EXT2: variants seen among roughly 807,000 people sequenced by gnomAD.
EXT2 encodes the protein exostosin glycosyltransferase 2.
Under a neutral mutation model 81.6 loss-of-function variants are expected in EXT2, and 53 were observed. The ratio of observed to expected loss-of-function variants is 0.65; its 90% CI spans 0.52 to 0.82. EXT2 has a LOEUF of 0.82. Among genes scored for constraint, EXT2 ranks in the 40% least tolerant of loss-of-function variants. EXT2 has a pLI of 0.00. For missense variants in EXT2, 774 were observed against 910.2 expected, an observed-to-expected ratio of 0.85 and a Z score of 1.93; for synonymous variants, 320 against 340.0, an observed-to-expected ratio of 0.94 and a Z score of 0.65.
intron 1 of EXT2, 118 bp downstream of exon 1, chr11:44,095,970 G>T (rs1360677391): frequency 1.3e-5 from 6 of 458,646 alleles, no homozygotes; most frequent in African/African-American, 4.0e-5. Context: ...CGGAGGCTCC[G>T]TGGAGGCCCG....
chr11:44,206,531 C>A (rs1044225047), intron 9 of EXT2, among the ~76,000 whole-genome samples: 2 of 151,490 alleles, frequency 1.3e-5, no homozygotes, highest in African/African-American at 4.8e-5. Flanking sequence ...AGTAGTGTTA[C>A]AAGGATTTAG....
chr11:44,158,605 A>C (rs1270444289), intron 7 of EXT2, among the ~76,000 whole-genome samples: 2 of 150,772 alleles, frequency 1.3e-5, no homozygotes, highest in Non-Finnish European at 3.0e-5. Flanking sequence ...AAAAATTAAT[A>C]AATTGATTTT....
In EXT2 at chr11:44,106,634, A is replaced by ATT. The variant is rs961901306; in HGVS notation, c.-30-1039_-30-1038dup. Reference sequence around the variant, plus strand: ...TGAATGAATAAGTGAACGAAAACAGATTTTTTTTTTTATGACACAGAGTCT... The same window carrying ATT: ...TGAATGAATAAGTGAACGAAAACAGATTTTTTTTTTTTTATGACACAGAGTCT... On this transcript the variant is annotated intron_variant, in intron 1 of 13. Transcript: ENST00000533608. Among the ~76,000 whole-genome samples the ATT allele has an allele frequency of 2.0e-5, 3 of 148,388 alleles. No individual in the cohort carries two copies. The Admixed American group carries it at 2.0e-4, about 10-fold the overall frequency.
At chr11:44,171,509 G>A (rs146825999) in intron 7 of EXT2, 102 bp from the exon 8 acceptor site, 26 of 1,578,556 alleles carry the variant, frequency 1.6e-5, no homozygotes, top group Non-Finnish European at 2.1e-5. Context: ...ACAACTTTGG[G>A]AATAAAGGAA....
intron 2 of EXT2, among the ~76,000 whole-genome samples, chr11:44,108,879 A>G (rs1312418658): frequency 6.6e-6 from 1 of 152,180 alleles, no homozygotes; most frequent in Non-Finnish European, 1.5e-5. Context: ...GTTCTACCAT[A>G]TATTTAACCA....
At chr11:44,242,355 C>CTT (rs1223197518) in intron 13 of EXT2, among the ~76,000 whole-genome samples, 1 of 152,190 alleles carries the variant, frequency 6.6e-6, no homozygotes, top group African/African-American at 2.4e-5. Context: ...GTCCACCTCA[C>CTT]TTTGTTAAAG....
intron 8 of EXT2, among the ~76,000 whole-genome samples, chr11:44,185,555 C>T (rs1321093467): frequency 2.0e-5 from 3 of 152,006 alleles, no homozygotes; most frequent in African/African-American, 4.8e-5. Context: ...AGATGGAGCA[C>T]AGCAGACAAA....
chr11:44,103,658 T>A, intron 1 of EXT2: 1 of 449,972 alleles, frequency 2.2e-6, no homozygotes, highest in South Asian at 1.7e-5. Flanking sequence ...TGGAATTTTC[T>A]TTATAGGAAG....
chr11:44,130,208 G>T, intron 7 of EXT2, 70 bp downstream of exon 7: 1 of 1,215,656 alleles, frequency 8.2e-7, no homozygotes, highest in Non-Finnish European at 1.2e-6. Flanking sequence ...GATACAGAGG[G>T]ACAGGAGCTG....
chr11:44,211,270 T>C (rs1955644913), intron 10 of EXT2, among the ~76,000 whole-genome samples: 1 of 152,212 alleles, frequency 6.6e-6, no homozygotes, highest in Admixed American at 6.5e-5. Context: ...GCAACCCCAC[T>C]TGTGGGTATA....
intron 7 of EXT2, among the ~76,000 whole-genome samples, chr11:44,161,683 A>G (rs1440542634): frequency 1.3e-5 from 2 of 152,122 alleles, no homozygotes; most frequent in Non-Finnish European, 2.9e-5. Flanking sequence ...AGCATAGACT[A>G]TGGGATGGGA....
At position 44,124,879 on chromosome 11, in the gene EXT2, G is replaced by C; in HGVS notation, c.834G>C (p.Glu278Asp). The C allele has an allele frequency of 6.2e-7, 1 of 1,614,164 alleles. No individual in the cohort carries two copies. The highest frequency in any genetic ancestry group is 1.1e-5 in the South Asian group (1 of 91,076). ...AAGCCCTCCAGGTCAAACATGGAGA[G>C]TCAGTGTTAGTACTCGATAAATGCA... ...DLEALQVKHG[E>D]SVLVLDKCTN... is the part of the protein sequence containing the mutation. The change falls in exon 5 of 14, where the codon GAG becomes GAC. Residue 278 changes from glutamate (E) to aspartate (D), a missense_variant. Physicochemically the swap from Glu to Asp is conservative, Grantham distance 45 (BLOSUM62 2). Transcript: ENST00000533608.
At chr11:44,152,586 G>A (rs1315307918) in intron 7 of EXT2, among the ~76,000 whole-genome samples, 2 of 152,100 alleles carry the variant, frequency 1.3e-5, no homozygotes, top group Admixed American at 1.3e-4. Flanking sequence ...CCTGACCTCA[G>A]GTGATCTGCC....
chr11:44,214,597 G>A (rs1955694678), intron 10 of EXT2, among the ~76,000 whole-genome samples: 1 of 152,032 alleles, frequency 6.6e-6, no homozygotes, highest in South Asian at 2.1e-4. Flanking sequence ...AAATGTATTG[G>A]TATAAAGTCA....
chr11:44,234,028 C>G (rs961705923), intron 11 of EXT2, 87 bp from the exon 12 acceptor site: 9 of 1,581,786 alleles, frequency 5.7e-6, no homozygotes, highest in Middle Eastern at 4.1e-4. Flanking sequence ...AAAGCTTGTC[C>G]CCATGCCTTG....
rs1565209541 is a variant in EXT2 at position 44,141,034 on chromosome 11, T to G, written c.1173+10896T>G. Among the ~76,000 whole-genome samples, 3 of 152,210 alleles carry G rather than the reference T, an allele frequency of 2.0e-5. 1 individual carries two copies. The East Asian group carries it at 5.8e-4, about 29-fold the overall frequency. ...TTCATTTTATTACTCGTGTAGCTGT[T>G]GTGGGGAAGAGTACAGTCATCCCTC... On this transcript the variant is annotated intron_variant, in intron 7 of 13. Coordinates refer to ENST00000533608, the MANE Select transcript of EXT2 (RefSeq NM_207122.2).
chr11:44,227,425 A>C (rs1955849970), intron 10 of EXT2, among the ~76,000 whole-genome samples: 1 of 152,208 alleles, frequency 6.6e-6, no homozygotes, highest in Non-Finnish European at 1.5e-5. Flanking sequence ...CTCAGCTGTT[A>C]AAGGACATCA....
intron 9 of EXT2, among the ~76,000 whole-genome samples, chr11:44,200,020 G>C (rs1292647766): frequency 6.6e-6 from 1 of 152,050 alleles, no homozygotes; most frequent in Non-Finnish European, 1.5e-5. Flanking sequence ...TGGTTGTTTG[G>C]GGAGAACATG....
chr11:44,200,028 A>G (rs925519010), intron 9 of EXT2, among the ~76,000 whole-genome samples: 1 of 152,150 alleles, frequency 6.6e-6, no homozygotes, highest in Admixed American at 6.5e-5. Context: ...TGGGGAGAAC[A>G]TGAACCATGT....
Sources: gnomAD v4.1 joint callset for allele counts (sites outside exome capture counted in the v4.1 genomes callset) on GRCh38, gnomAD v4.1.1 for gene constraint, MANE v1.5 for transcripts, NCBI Gene and HGNC (gene_info 2026-07-23, HGNC 2026-07-21) for gene names.